Variants in MEOX1 observed in about 807,000 individuals in gnomAD.
MEOX1 encodes the protein homeobox protein MOX-1.
MEOX1 carries 17 observed loss-of-function variants against 23.2 expected under a neutral mutation model. The observed-to-expected ratio is 0.73, with a 90% confidence interval of 0.50 to 1.10. The LOEUF is 1.10. MEOX1 is among the 50% of genes least tolerant of loss of function. The pLI, the probability that MEOX1 is intolerant of heterozygous loss-of-function variation, is 0.00. For missense variants in MEOX1, 333 were observed against 332.2 expected, an observed-to-expected ratio of 1.00 and a Z score of -0.02; for synonymous variants, 134 against 135.1, an observed-to-expected ratio of 0.99 and a Z score of 0.06.
chr17:43,655,331 C>T (rs1972993660), intron 1 of MEOX1, among the ~76,000 whole-genome samples: 1 of 151,622 alleles, frequency 6.6e-6, no homozygotes, highest in Non-Finnish European at 1.5e-5. Flanking sequence ...ATTAGCTGGG[C>T]GTGGTGGCGT....
intron 1 of MEOX1, among the ~76,000 whole-genome samples, chr17:43,652,822 T>C (rs1051564214): frequency 9.8e-5 from 14 of 143,316 alleles, no homozygotes; most frequent in African/African-American, 3.1e-4. Context: ...ATCTCTACTA[T>C]TGCTTTTTTT....
chr17:43,646,149 G>T (rs1197452064), intron 1 of MEOX1, among the ~76,000 whole-genome samples: 4 of 152,172 alleles, frequency 2.6e-5, no homozygotes, highest in Non-Finnish European at 5.9e-5. Context: ...CGAGTTCCTG[G>T]CGCGGGCTGC....
At chr17:43,657,012 C>CTTTCTCTTTCTTTCTT (rs1555567818) in intron 1 of MEOX1, among the ~76,000 whole-genome samples, 1 of 105,086 alleles carries the variant, frequency 9.5e-6, no homozygotes, top group Non-Finnish European at 1.9e-5. Flanking sequence ...TTCTTTCTTT[C>CTTTCTCTTTCTTTCTT]TCTTTCTTTC....
At chr17:43,653,034 G>A (rs376233894) in intron 1 of MEOX1, among the ~76,000 whole-genome samples, 263 of 151,288 alleles carry the variant, frequency 1.7e-3, no homozygotes, top group African/African-American at 6.2e-3. Flanking sequence ...GCATTTCACC[G>A]TGTTAGCCAG....
At chr17:43,646,222 G>T (rs1365589934) in intron 1 of MEOX1, among the ~76,000 whole-genome samples, 4 of 152,142 alleles carry the variant, frequency 2.6e-5, no homozygotes, top group Non-Finnish European at 4.4e-5. Context: ...GGAAGCGGGA[G>T]CGTGGGCAGC....
At chr17:43,659,036 A>G (rs1323188682) in intron 1 of MEOX1, among the ~76,000 whole-genome samples, 1 of 152,238 alleles carries the variant, frequency 6.6e-6, no homozygotes, top group Non-Finnish European at 1.5e-5. Context: ...CCAGCTGCTT[A>G]GTGTGAATGG....
In MEOX1 at chr17:43,661,076, C is replaced by G; in HGVS notation, c.459G>C (p.Lys153Asn). 6.7e-7 allele frequency: 1 copy of G among 1,498,078 alleles called. No individual in the cohort carries two copies. The highest frequency in any genetic ancestry group is 8.9e-7 in the Non-Finnish European group (1 of 1,123,496). The allele number at this position is 1,498,078 out of a possible 1,614,324, so 92.8% of individuals were successfully genotyped here. ...TCCTGAGCCACCTACCTGAACTCTC[C>G]TTTCTCCGCCTGGATGATTTCTTCT... ...ETEKKSSRRRKESSDNQENRG... is the reference protein window; with the variant it reads ...ETEKKSSRRRNESSDNQENRG... The change falls in exon 1 of 3, where the codon AAG (lysine) becomes AAC (asparagine). Residue 153 changes from lysine to asparagine, a missense_variant. Physicochemically the swap from Lys to Asn is moderately conservative, Grantham distance 94 (BLOSUM62 0). Transcript: ENST00000318579.
intron 1 of MEOX1, among the ~76,000 whole-genome samples, chr17:43,658,485 C>T (rs370709436): frequency 5.7e-5 from 8 of 139,148 alleles, no homozygotes; most frequent in South Asian, 2.3e-4. Context: ...CCAGCATGGG[C>T]GTTAGAGTGA....
intron 1 of MEOX1, among the ~76,000 whole-genome samples, chr17:43,650,680 C>T (rs1972896961): frequency 6.6e-6 from 1 of 152,300 alleles, no homozygotes; most frequent in East Asian, 1.9e-4. Flanking sequence ...GGCAAATCCT[C>T]GGAAAACGGT....
chr17:43,649,290 C>CTTTTTTTTT (rs10694288), intron 1 of MEOX1, among the ~76,000 whole-genome samples: 10 of 86,228 alleles, frequency 1.2e-4, no homozygotes, highest in South Asian at 4.8e-4. Context: ...GGCCTTTCAG[C>CTTTTTTTTT]TTTTTTTTTT....
intron 1 of MEOX1, among the ~76,000 whole-genome samples, chr17:43,652,825 CTTTTTTTTT>C (rs397856379): frequency 7.0e-5 from 5 of 71,106 alleles, no homozygotes; most frequent in South Asian, 7.0e-4. Flanking sequence ...TCTACTATTG[CTTTTTTTTT>C]TTTTTTTTTT....
chr17:43,643,540 G>A lies in MEOX1; in HGVS notation c.590C>T (p.Thr197Ile). The A allele has an allele frequency of 6.2e-7, 1 of 1,610,096 alleles. No homozygotes were observed. ...CGCAATCTCATATCTGCGGAGCCGA[G>A]TCAGGTAGTTATGATGGGCAAACTC... The part of the protein sequence containing the change: ...EAEFAHHNYL[T>I]RLRRYEIAVN... Residue 197 changes from threonine (T) to isoleucine (I), a missense_variant, in exon 2 of 3, where the codon ACT becomes ATT. By Grantham distance (89) the Thr-to-Ile change is moderately conservative. Transcript: ENST00000318579.
Position 43,661,577 on chromosome 17 carries a change from C to A in MEOX1, c.-43G>T. 1 of 1,096,728 alleles carries A rather than the reference C, an allele frequency of 9.1e-7. No homozygotes were observed. The highest frequency in any genetic ancestry group is 1.2e-6 in the Non-Finnish European group (1 of 840,602). The allele number at this position is 1,096,728 out of a possible 1,614,324, so 67.9% of individuals were successfully genotyped here. On this transcript the variant is annotated 5_prime_UTR_variant, in exon 1 of 3. Transcript: ENST00000318579. ...CCTCGGTCCTTTCAAAGATTTGATT[C>A]TTTATACTTTTTATGTTCAAATTTT...
rs145977300 is a variant in MEOX1, at chr17:43,661,703, C to G, written c.-169G>C. 8.7e-4 allele frequency: 464 copies of G among 532,018 alleles called. 2 individuals carry two copies. Among genetic ancestry groups the G allele is most frequent in the African/African-American group, 8.2e-3 (415 of 50,858 alleles). 33.0% of individuals were successfully genotyped at this position (532,018 alleles called of 1,614,324 possible). ...AAAAAAAAACCCAAAACTAAAGTCT[C>G]TCCTTAAAGTACACACACATGTGGC... On this transcript the variant is annotated 5_prime_UTR_variant, in exon 1 of 3. Coordinates refer to ENST00000318579, the MANE Select transcript of MEOX1 (RefSeq NM_004527.4).
chr17:43,652,786 T>C (rs534810513), intron 1 of MEOX1, among the ~76,000 whole-genome samples: 1 of 150,996 alleles, frequency 6.6e-6, no homozygotes, highest in East Asian at 2.0e-4. Flanking sequence ...TGACACTTAT[T>C]GGGGTTGTCC....
At chr17:43,649,438 C>T (rs1248749909) in intron 1 of MEOX1, among the ~76,000 whole-genome samples, 3 of 152,076 alleles carry the variant, frequency 2.0e-5, no homozygotes, top group East Asian at 3.9e-4. Context: ...TCTGGAGTAG[C>T]TGGGATTATG....
intron 1 of MEOX1, among the ~76,000 whole-genome samples, chr17:43,656,738 G>C (rs1293011942): frequency 6.6e-6 from 1 of 152,044 alleles, no homozygotes; most frequent in Non-Finnish European, 1.5e-5. Context: ...ACCTTCCCTT[G>C]AACCCCATGA....
At position 43,641,871 on chromosome 17, in the gene MEOX1, G is replaced by A. The variant is rs1972700192; in HGVS notation, c.*39C>T. On this transcript the variant is annotated 3_prime_UTR_variant, in exon 3 of 3. Transcript: ENST00000318579. ...GATTGGGGTGGGGGTAGTTGGGTAG[G>A]GGGCTCAGTCCTTAGTCATTTTTCC... 2 of 1,585,522 alleles carry A rather than the reference G, an allele frequency of 1.3e-6. No individual in the cohort carries two copies. Among genetic ancestry groups the A allele is most frequent in the Non-Finnish European group, 1.7e-6 (2 of 1,165,796 alleles).
chr17:43,643,381 C>T (rs1341325457), intron 2 of MEOX1, 107 bp downstream of exon 2: 13 of 1,088,248 alleles, frequency 1.2e-5, no homozygotes, highest in South Asian at 1.8e-5. Flanking sequence ...AACCGCTGGA[C>T]TGGCTGGAGG....
Sources: gnomAD v4.1 joint callset for allele counts (sites outside exome capture counted in the v4.1 genomes callset) on GRCh38, gnomAD v4.1.1 for gene constraint, MANE v1.5 for transcripts, NCBI Gene and HGNC (gene_info 2026-07-23, HGNC 2026-07-21) for gene names.